The following PKIB variants were observed in gnomAD, a reference collection of about 807,000 sequenced individuals.
PKIB encodes the protein cAMP-dependent protein kinase inhibitor beta.
PKIB carries 2 observed loss-of-function variants against 4.5 expected under a neutral mutation model. The observed-to-expected ratio is 0.44, with a 90% CI of 0.18 to 1.39. The LOEUF is 1.39. Ranked by LOEUF, PKIB falls within the 40% of genes most tolerant of loss-of-function variation. PKIB has a pLI of 0.27. For missense variants in PKIB, 94 were observed against 92.6 expected (o/e 1.02, Z -0.06); for synonymous variants, 38 against 36.0 (o/e 1.06, Z -0.20).
At chr6:122,474,066 G>A (rs183590219) in intron 1 of PKIB, among the ~76,000 whole-genome samples, 9 of 152,354 alleles carry the variant, frequency 5.9e-5, no homozygotes, top group African/African-American at 2.2e-4. Flanking sequence ...CCAGGAGGCA[G>A]AGGTTGCAGT....
chr6:122,593,265 T>A (rs1168209756), intron 3 of PKIB, among the ~76,000 whole-genome samples: 1 of 152,238 alleles, frequency 6.6e-6, no homozygotes, highest in African/African-American at 2.4e-5. Context: ...GATGACCCGA[T>A]ATAATCCAGG....
At chr6:122,619,026 G>A (rs1395437684) in intron 1 of PKIB, among the ~76,000 whole-genome samples, 1 of 152,122 alleles carries the variant, frequency 6.6e-6, no homozygotes, top group African/African-American at 2.4e-5. Flanking sequence ...GATTGGTAGT[G>A]AGGCAGAATA....
intron 1 of PKIB, among the ~76,000 whole-genome samples, chr6:122,624,325 A>G (rs1177872534): frequency 6.6e-6 from 1 of 152,146 alleles, no homozygotes; most frequent in African/African-American, 2.4e-5. Flanking sequence ...ATAGCAGGAA[A>G]CCTTTTTGAT....
At chr6:122,708,117 G>A (rs4946627) in intron 3 of PKIB, among the ~76,000 whole-genome samples, 1 of 152,022 alleles carries the variant, frequency 6.6e-6, no homozygotes, top group African/African-American at 2.4e-5. Flanking sequence ...CTAGTGAAGG[G>A]AGACAGACAA....
chr6:122,547,597 C>G (rs1772533917), intron 2 of PKIB, among the ~76,000 whole-genome samples: 1 of 151,136 alleles, frequency 6.6e-6, no homozygotes, highest in Non-Finnish European at 1.5e-5. Context: ...CTCAGCCTCT[C>G]AAAGTGCTGG....
intron 4 of PKIB, among the ~76,000 whole-genome samples, chr6:122,723,213 G>C (rs1300495947): frequency 2.0e-5 from 3 of 152,154 alleles, no homozygotes; most frequent in Non-Finnish European, 4.4e-5. Context: ...TTGGGATAAT[G>C]ATTGTGCTTT....
chr6:122,478,292 T>C (rs1775504962), intron 2 of PKIB: 1 of 152,212 alleles, frequency 6.6e-6, no homozygotes, highest in South Asian at 2.1e-4. Flanking sequence ...CTGACTTACT[T>C]GTATTTTGTG....
chr6:122,534,223 T>A lies in PKIB; in HGVS notation c.-247-51698T>A, dbSNP rs1777340118. Among the ~76,000 whole-genome samples, 3 of 151,198 alleles carry A rather than the reference T, an allele frequency of 2.0e-5. No homozygotes were observed. In the South Asian group the frequency reaches 6.2e-4, roughly 31 times the overall value. ...AGGCCAACCTTACAATCACCCCAGT[T>A]ATTGGCCTAGAGGACTTTTCTACAC... On this transcript the variant is annotated intron_variant, in intron 2 of 6. Coordinates refer to the PKIB transcript ENST00000392491.
intron 2 of PKIB, among the ~76,000 whole-genome samples, chr6:122,570,139 T>G (rs1260451352): frequency 6.6e-6 from 1 of 152,194 alleles, no homozygotes. Flanking sequence ...TCCTCTTTAC[T>G]TAGAATATCA....
chr6:122,505,474 C>T (rs1767652405), intron 2 of PKIB, among the ~76,000 whole-genome samples: 1 of 152,140 alleles, frequency 6.6e-6, no homozygotes, highest in Non-Finnish European at 1.5e-5. Flanking sequence ...CCAGAGGTGT[C>T]TTTCGCATCT....
chr6:122,616,664 GT>G (rs1775004000), intron 1 of PKIB, among the ~76,000 whole-genome samples: 1 of 151,876 alleles, frequency 6.6e-6, no homozygotes, highest in South Asian at 2.1e-4. Flanking sequence ...AACATACAAT[GT>G]TTTCAATCTG....
At position 122,726,276 on chromosome 6, in the gene PKIB, T is replaced by C. The variant is rs780746698; in HGVS notation, c.*1081T>C. On this transcript the variant is annotated 3_prime_UTR_variant, in exon 5 of 5. Coordinates refer to ENST00000368452, the MANE Select transcript of PKIB (RefSeq NM_181795.3). ...TAATTTATTTTCATTTTCAGAAATA[T>C]ATGCATGCAGTTATGTTTTATTTGA... is the stretch of plus-strand genomic sequence containing the variant. 4 of 152,148 alleles carry C rather than the reference T, an allele frequency of 2.6e-5. No individual in the cohort carries two copies. The highest frequency in any genetic ancestry group is 5.9e-5 in the Non-Finnish European group (4 of 67,988). 9.4% of individuals were successfully genotyped at this position (152,148 alleles called of 1,614,324 possible). A position where few individuals can be genotyped will look rare whatever the true frequency, so the allele number is the denominator to read the frequency against.
At chr6:122,668,873 A>G (rs1409477366) in intron 2 of PKIB, among the ~76,000 whole-genome samples, 1 of 152,230 alleles carries the variant, frequency 6.6e-6, no homozygotes, top group Non-Finnish European at 1.5e-5. Context: ...ATGAAACAAT[A>G]AAAATTGAGG....
At chr6:122,676,874 A>G (rs368891969) in intron 3 of PKIB, among the ~76,000 whole-genome samples, 4 of 152,130 alleles carry the variant, frequency 2.6e-5, no homozygotes, top group Admixed American at 2.6e-4. Context: ...TACATTTATT[A>G]ATCTTGTGAT....
intron 4 of PKIB, among the ~76,000 whole-genome samples, chr6:122,719,466 C>T (rs1254608782): frequency 6.6e-6 from 1 of 152,012 alleles, no homozygotes; most frequent in Non-Finnish European, 1.5e-5. Context: ...ATATGCCAGG[C>T]ACAGAAAGGT....
intron 2 of PKIB, among the ~76,000 whole-genome samples, chr6:122,540,249 T>G (rs1190320620): frequency 1.3e-5 from 2 of 152,052 alleles, no homozygotes; most frequent in Non-Finnish European, 2.9e-5. Flanking sequence ...CTCTTGCTTT[T>G]CTAGTTCTTT....
At chr6:122,522,071 T>C (rs1368942121) in intron 2 of PKIB, among the ~76,000 whole-genome samples, 2 of 152,066 alleles carry the variant, frequency 1.3e-5, no homozygotes, top group East Asian at 3.9e-4. Context: ...AACAAAAAAA[T>C]CACTTGAATT....
At chr6:122,530,921 A>G (rs1264456631) in intron 2 of PKIB, among the ~76,000 whole-genome samples, 3 of 152,172 alleles carry the variant, frequency 2.0e-5, no homozygotes, top group African/African-American at 7.2e-5. Flanking sequence ...CTTTCTTTGA[A>G]ATCCTGTCTT....
intron 1 of PKIB, among the ~76,000 whole-genome samples, chr6:122,472,673 G>A (rs1340379245): frequency 1.3e-5 from 2 of 152,174 alleles, no homozygotes; most frequent in South Asian, 2.1e-4. Context: ...TGCATGGGTC[G>A]AGGTGGGGTA....
Sources: gnomAD v4.1 joint callset for allele counts (sites outside exome capture counted in the v4.1 genomes callset) on GRCh38, gnomAD v4.1.1 for gene constraint, MANE v1.5 for transcripts, NCBI Gene and HGNC (gene_info 2026-07-23, HGNC 2026-07-21) for gene names.